The following ALDH1A3 variants were observed in gnomAD, a reference collection of about 807,000 sequenced individuals.
ALDH1A3 encodes aldehyde dehydrogenase 1 family member A3.
A neutral mutation model predicts 57.5 loss-of-function variants in ALDH1A3; 28 were observed. The ratio of observed to expected loss-of-function variants is 0.49; its 90% CI spans 0.36 to 0.67. The LOEUF is 0.67. Ranked by LOEUF, ALDH1A3 falls within the 30% of genes least tolerant of loss-of-function variation. ALDH1A3 has a pLI of 0.00. For synonymous variants in ALDH1A3, 281 were observed against 264.8 expected (o/e 1.06, Z -0.59); for missense variants, 507 against 669.4 (o/e 0.76, Z 2.68).
chr15:100,912,944 G>A lies in ALDH1A3; in HGVS notation c.1467-1757G>A, dbSNP rs1171251532. 1.6e-4 allele frequency among the ~76,000 whole-genome samples: 5 copies of A among 30,504 alleles called. 2 individuals are homozygous for A. The highest frequency in any genetic ancestry group is 5.6e-4 in the African/African-American group (5 of 8,984). 20.0% of individuals were successfully genotyped at this position (30,504 alleles called of 152,430 possible). A position where few individuals can be genotyped will look rare whatever the true frequency, so the allele number is the denominator to read the frequency against. Reference sequence around the variant, plus strand: ...GAGGCCGAGGCGGGCGGATCACGAGGTCAGGAGATCGAGACCATCCTGGCT... The same window carrying A: ...GAGGCCGAGGCGGGCGGATCACGAGATCAGGAGATCGAGACCATCCTGGCT... On this transcript the variant is annotated intron_variant, in intron 12 of 12. Transcript: ENST00000329841.
intron 9 of ALDH1A3, among the ~76,000 whole-genome samples, chr15:100,901,647 G>A (rs975106704): frequency 6.6e-6 from 1 of 152,232 alleles, no homozygotes; most frequent in African/African-American, 2.4e-5. Flanking sequence ...GAGAGTGGGA[G>A]TAATCAATGA....
intron 10 of ALDH1A3, 84 bp downstream of exon 10, chr15:100,905,771 C>G: frequency 7.4e-7 from 1 of 1,350,740 alleles, no homozygotes; most frequent in Non-Finnish European, 1.0e-6. Flanking sequence ...TCCCAGAAAT[C>G]CTTGTGATCT....
At chr15:100,900,883 C>T in intron 9 of ALDH1A3, 124 bp downstream of exon 9, 1 of 1,060,796 alleles carries the variant, frequency 9.4e-7, no homozygotes, top group East Asian at 2.6e-5. Context: ...GCCCAGGAGG[C>T]TTTCTTTTCT....
chr15:100,898,453 C>T (rs560934479), intron 8 of ALDH1A3, among the ~76,000 whole-genome samples: 20 of 152,344 alleles, frequency 1.3e-4, no homozygotes, highest in East Asian at 1.2e-3. Context: ...CCTGTTTCTG[C>T]GCCTTAGCGT....
rs1362007098 is a variant in ALDH1A3 at position 100,913,099 on chromosome 15, A to G, written c.1467-1602A>G. On this transcript the variant is annotated intron_variant, in intron 12 of 12. Transcript: ENST00000329841. ...CGTGAACCCGGGAGGCGGAGCTTGCAGTGAGCCGAGATCGCGCCACTGCAC... is the reference window on the plus strand; with the variant it reads ...CGTGAACCCGGGAGGCGGAGCTTGCGGTGAGCCGAGATCGCGCCACTGCAC... 4 of 127,518 alleles carry G rather than the reference A, an allele frequency of 3.1e-5. 1 individual carries two copies. Among genetic ancestry groups the G allele is most frequent in the African/African-American group, 1.2e-4 (4 of 34,202 alleles). 7.9% of individuals were successfully genotyped at this position (127,518 alleles called of 1,614,324 possible).
chr15:100,895,853 C>T, intron 6 of ALDH1A3, 80 bp from the exon 7 acceptor site: 1 of 1,266,884 alleles, frequency 7.9e-7, no homozygotes, highest in Non-Finnish European at 1.1e-6. Context: ...GTGAGGCAGC[C>T]ACGGCTCTCT....
intron 3 of ALDH1A3, chr15:100,888,410 TA>T (rs2141550896): frequency 6.6e-6 from 1 of 152,324 alleles, no homozygotes; most frequent in African/African-American, 2.4e-5. Context: ...CACCCAGCCT[TA>T]ACTCCCTTTT....
Position 100,914,727 on chromosome 15 carries a change from C to T in ALDH1A3, c.1493C>T (p.Thr498Ile), listed in dbSNP as rs1168265416. 3 of 1,614,098 alleles carry T rather than the reference C, an allele frequency of 1.9e-6. No individual in the cohort carries two copies. In the South Asian group the frequency reaches 3.3e-5, roughly 18 times the overall value. The change falls in exon 13 of 13, where the codon ACA becomes ATA. Residue 498 changes from threonine to isoleucine, a missense_variant. Thr to Ile is a moderately conservative substitution (Grantham distance 89, BLOSUM62 -1). Transcript: ENST00000329841. ...ELGEYALAEY[T>I]EVKTVTIKLG... ...GGTGAATACGCTTTGGCCGAATACACAGAAGTGAAAACTGTCACCATCAAA... is the reference window on the plus strand; with the variant it reads ...GGTGAATACGCTTTGGCCGAATACATAGAAGTGAAAACTGTCACCATCAAA...
Position 100,916,604 on chromosome 15 carries a change from AAT to A in ALDH1A3, c.*1833_*1834del, listed in dbSNP as rs2041932076. The A allele has an allele frequency of 6.6e-6, 1 of 152,260 alleles. No individual in the cohort carries two copies. The highest frequency in any genetic ancestry group is 2.4e-5 in the African/African-American group (1 of 41,476). 9.4% of individuals were successfully genotyped at this position (152,260 alleles called of 1,614,324 possible). A position where few individuals can be genotyped will look rare whatever the true frequency, so the allele number is the denominator to read the frequency against. ...GCATCCCACAATGCGAGAATGATAAAATAAAATTGGATATTTGAGAAACATTG... is the reference window on the plus strand; with the variant it reads ...GCATCCCACAATGCGAGAATGATAAAAAAATTGGATATTTGAGAAACATTG... On this transcript the variant is annotated 3_prime_UTR_variant, in exon 13 of 13. Transcript: ENST00000329841.
At chr15:100,885,456 C>A (rs758204329) in intron 2 of ALDH1A3, 85 bp downstream of exon 2, 1 of 1,011,966 alleles carries the variant, frequency 9.9e-7, no homozygotes, top group Non-Finnish European at 1.5e-6. Context: ...AGCTATAAGA[C>A]AGAACTGGCC....
intron 2 of ALDH1A3, 43 bp downstream of exon 2, chr15:100,885,414 G>C (rs4646655): frequency 7.1e-7 from 1 of 1,410,486 alleles, no homozygotes. Context: ...TTCAATTATG[G>C]ATGACCAAAG....
chr15:100,905,620 AG>A lies in ALDH1A3; in HGVS notation c.1170del (p.Leu391SerfsTer30). The part of the protein sequence containing the change: ...LECGGSAMED[K>X]GLFIKPTVFS... The stretch of plus-strand genomic sequence containing the variant: ...TGCGGGGGCTCAGCCATGGAAGACA[AG>A]GGGCTCTTCATCAAACCCACTGTCT... On this transcript the variant is annotated frameshift_variant, in exon 10 of 13. Coordinates refer to ENST00000329841, the MANE Select transcript of ALDH1A3 (RefSeq NM_000693.4). LOFTEE classifies it high-confidence loss of function. 6.2e-7 allele frequency: 1 copy of A among 1,613,040 alleles called. No homozygotes were observed. Among genetic ancestry groups the A allele is most frequent in the Non-Finnish European group, 8.5e-7 (1 of 1,179,522 alleles).
intron 7 of ALDH1A3, among the ~76,000 whole-genome samples, chr15:100,897,882 G>T (rs2041723379): frequency 6.6e-6 from 1 of 152,228 alleles, no homozygotes; most frequent in African/African-American, 2.4e-5. Context: ...AAGGATCCCA[G>T]GATGTCATGG....
At chr15:100,880,171 G>A (rs1387185632) in intron 1 of ALDH1A3, 165 bp downstream of exon 1, 3 of 425,712 alleles carry the variant, frequency 7.0e-6, no homozygotes, top group Non-Finnish European at 7.9e-6. Context: ...CACCTTTCGC[G>A]GGACGTCTCG....
chr15:100,886,788 T>C (rs1158446163), intron 2 of ALDH1A3, among the ~76,000 whole-genome samples: 1 of 152,206 alleles, frequency 6.6e-6, no homozygotes, highest in Non-Finnish European at 1.5e-5. Flanking sequence ...TCTGCTCCCA[T>C]GGGGTGGGTG....
chr15:100,905,496 G>A, intron 9 of ALDH1A3, 27 bp from the exon 10 acceptor site: 1 of 1,614,110 alleles, frequency 6.2e-7, no homozygotes, highest in Non-Finnish European at 8.5e-7. Context: ...AGGAAGCCAG[G>A]CTGTACTTCT....
chr15:100,880,115 G>T lies in ALDH1A3; in HGVS notation c.99+109G>T, dbSNP rs867521840. ...GCGGGCCGGGGGTCCGCCGGGCGCC[G>T]CCGAGACCCGAGCCTCCCTGCCCGG... On this transcript the variant is annotated intron_variant, in intron 1 of 12. Coordinates refer to ENST00000329841, the MANE Select transcript of ALDH1A3 (RefSeq NM_000693.4). The T allele has an allele frequency of 3.3e-4, 247 of 743,124 alleles. 2 individuals carry two copies. Among genetic ancestry groups the T allele is most frequent in the South Asian group, 2.5e-3 (40 of 15,864 alleles). 46.0% of individuals were successfully genotyped at this position (743,124 alleles called of 1,614,324 possible). A position where few individuals can be genotyped will look rare whatever the true frequency, so the allele number is the denominator to read the frequency against.
At chr15:100,892,377 G>T (rs1442603093) in intron 3 of ALDH1A3, 133 bp from the exon 4 acceptor site, 1 of 1,156,922 alleles carries the variant, frequency 8.6e-7, no homozygotes, top group Non-Finnish European at 1.2e-6. Flanking sequence ...TTCTGAAGAG[G>T]TGCATCTGAC....
chr15:100,885,810 A>C (rs987372283), intron 2 of ALDH1A3, among the ~76,000 whole-genome samples: 1 of 152,116 alleles, frequency 6.6e-6, no homozygotes, highest in Non-Finnish European at 1.5e-5. Context: ...AATAGTTGCT[A>C]CCCGGGTGAT....
Sources: gnomAD v4.1 joint callset for allele counts (sites outside exome capture counted in the v4.1 genomes callset) on GRCh38, gnomAD v4.1.1 for gene constraint, MANE v1.5 for transcripts, NCBI Gene and HGNC (gene_info 2026-07-23, HGNC 2026-07-21) for gene names.